Variants in DHRS7 observed in about 807,000 individuals in gnomAD.
The protein encoded by DHRS7 is dehydrogenase/reductase SDR family member 7.
A neutral mutation model predicts 38.9 loss-of-function variants in DHRS7; 34 were observed. That is an observed-to-expected ratio of 0.87 (90% CI 0.66 to 1.16). The LOEUF is 1.16. Ranked by LOEUF, DHRS7 falls within the 50% of genes most tolerant of loss-of-function variation. The pLI is 0.00. For synonymous variants in DHRS7, 158 were observed against 153.1 expected, an observed-to-expected ratio of 1.03 and a Z score of -0.24; for missense variants, 421 against 407.0, an observed-to-expected ratio of 1.03 and a Z score of -0.30.
rs575413815 is a variant in DHRS7, at chr14:60,156,375, T to C, written c.134-223A>G. Among the ~76,000 whole-genome samples the C allele has an allele frequency of 2.6e-5, 4 of 152,236 alleles. No individual in the cohort carries two copies. The South Asian group carries it at 6.2e-4, about 24-fold the overall frequency. The stretch of plus-strand genomic sequence containing the variant: ...ACTAGTAACAGTTATCAACACAGTA[T>C]TTGTATATTACAGAACCTTCATGAC... On this transcript the variant is annotated intron_variant, in intron 1 of 6. Coordinates refer to ENST00000557185, the MANE Select transcript of DHRS7 (RefSeq NM_016029.4).
upstream of DHRS7, among the ~76,000 whole-genome samples, chr14:60,166,933 T>C (rs1896875191): frequency 6.6e-6 from 1 of 151,996 alleles, no homozygotes; most frequent in Admixed American, 6.6e-5. Context: ...TTAAACCTCC[T>C]TGATAGAGAG....
At chr14:60,160,908 T>C (rs1361473289) in intron 1 of DHRS7, among the ~76,000 whole-genome samples, 1 of 152,206 alleles carries the variant, frequency 6.6e-6, no homozygotes, top group African/African-American at 2.4e-5. Flanking sequence ...ACTAATCTTA[T>C]GTACCACATC....
Position 60,162,527 on chromosome 14 carries a change from T to C in DHRS7, c.133+2650A>G, listed in dbSNP as rs1367034681. 6.6e-6 allele frequency among the ~76,000 whole-genome samples: 1 copy of C among 152,330 alleles called. No individual in the cohort carries two copies. Among genetic ancestry groups the C allele is most frequent in the East Asian group, 1.9e-4 (1 of 5,184 alleles). ...ACAAGGGTCAGAGAAAGCTCTTTAC[T>C]TTTTACTATATATCTTTTTGTATTT... is the stretch of plus-strand genomic sequence containing the variant. On this transcript the variant is annotated intron_variant, in intron 1 of 6. Coordinates refer to ENST00000557185, the MANE Select transcript of DHRS7 (RefSeq NM_016029.4). This position sits in a 1 kb window ranked among gnomAD's most constrained non-coding sequence, Gnocchi z 4.5.
rs1218257407 is a variant in DHRS7 at position 60,165,322 on chromosome 14, C to T, written c.-13G>A. Reference sequence around the variant, plus strand: ...GCTCCCAGTTCATTGCGGCCGCGCACGCCCAGCTCGGGGGGAAGAAGACGG... The same window carrying T: ...GCTCCCAGTTCATTGCGGCCGCGCATGCCCAGCTCGGGGGGAAGAAGACGG... On this transcript the variant is annotated 5_prime_UTR_variant, in exon 1 of 7. The change creates a new upstream start codon in the 5' untranslated region. Transcript: ENST00000557185. The surrounding 1 kb of genome is among the most constrained non-coding windows in gnomAD (Gnocchi z 4.6). 5 of 1,568,744 alleles carry T rather than the reference C, an allele frequency of 3.2e-6. No individual in the cohort carries two copies. Among genetic ancestry groups the T allele is most frequent in the Admixed American group, 1.8e-5 (1 of 54,518 alleles).
At chr14:60,168,527 T>A (rs1896894257), upstream of DHRS7, among the ~76,000 whole-genome samples, 3 of 152,176 alleles carry the variant, frequency 2.0e-5, no homozygotes, top group Admixed American at 1.3e-4. Context: ...GGGTACAGAG[T>A]ACACGTCTGT....
chr14:60,166,736 GA>G (rs1182787465), upstream of DHRS7, among the ~76,000 whole-genome samples: 1 of 151,970 alleles, frequency 6.6e-6, no homozygotes, highest in Non-Finnish European at 1.5e-5. Flanking sequence ...AATTACTTCT[GA>G]ACTATATCTG....
In DHRS7 at chr14:60,162,236, G is replaced by C. The variant is rs1595201057; in HGVS notation, c.133+2941C>G. 6.6e-6 allele frequency among the ~76,000 whole-genome samples: 1 copy of C among 152,134 alleles called. No individual in the cohort carries two copies. Among genetic ancestry groups the C allele is most frequent in the Non-Finnish European group, 1.5e-5 (1 of 68,018 alleles). On this transcript the variant is annotated intron_variant, in intron 1 of 6. Transcript: ENST00000557185. This position sits in a 1 kb window ranked among gnomAD's most constrained non-coding sequence, Gnocchi z 4.5. ...AAAAAGTTTAAAAATATCCAGGTGT[G>C]GTGGTTTGCACCTGTAGTCCTAGCT... is the stretch of plus-strand genomic sequence containing the variant.
Position 60,155,994 on chromosome 14 carries a change from G to T in DHRS7, c.286+6C>A. 6.5e-7 allele frequency: 1 copy of T among 1,540,080 alleles called. No homozygotes were observed. Among genetic ancestry groups the T allele is most frequent in the Admixed American group, 2.1e-5 (1 of 48,512 alleles). ...GAAGCACCGCTGCTATTTCAGATCC[G>T]CTTACCTAGGCATCTTCTTTTCACC... On this transcript the variant is annotated splice_donor_region_variant and intron_variant, in intron 2 of 6. Transcript: ENST00000557185.
At chr14:60,168,816 C>T, upstream of DHRS7, 1 of 1,502,010 alleles carries the variant, frequency 6.7e-7, no homozygotes, top group Non-Finnish European at 8.9e-7. Context: ...CATGCTGACA[C>T]TCCTCATAAT....
chr14:60,154,995 G>T (rs951230348), intron 2 of DHRS7, among the ~76,000 whole-genome samples: 1 of 152,168 alleles, frequency 6.6e-6, no homozygotes, highest in African/African-American at 2.4e-5. Flanking sequence ...TCATTTCTGG[G>T]TGGTTAGCTC....
rs902594807 is a variant in DHRS7 at position 60,148,675 on chromosome 14, C to T, written c.972+678G>A. On this transcript the variant is annotated intron_variant, in intron 6 of 6. Transcript: ENST00000557185. This position sits in a 1 kb window ranked among gnomAD's most constrained non-coding sequence, Gnocchi z 4.8. Reference sequence around the variant, plus strand: ...CATAGGGGCTGAGGTGCACTTGGTCCTGGGGAGAAGTGGGAGGGAAGGCCA... The same window carrying T: ...CATAGGGGCTGAGGTGCACTTGGTCTTGGGGAGAAGTGGGAGGGAAGGCCA... Among the ~76,000 whole-genome samples the T allele has an allele frequency of 1.3e-5, 2 of 151,996 alleles. No individual in the cohort carries two copies. Among genetic ancestry groups the T allele is most frequent in the African/African-American group, 4.8e-5 (2 of 41,368 alleles).
chr14:60,158,688 C>A (rs1264371866), intron 1 of DHRS7, among the ~76,000 whole-genome samples: 2 of 152,124 alleles, frequency 1.3e-5, no homozygotes, highest in African/African-American at 4.8e-5. Context: ...CCTTTAAGAG[C>A]CCCTGAAAGT....
upstream of DHRS7, chr14:60,169,132 CCAAAAAAAAAAA>C (rs1896901484): frequency 3.2e-5 from 1 of 31,098 alleles, no homozygotes; most frequent in African/African-American, 1.6e-4. Flanking sequence ...ACAAAAGAAA[CCAAAAAAAAAAA>C]AAAAAAAAAA....
At chr14:60,167,117 G>C (rs1233948137), upstream of DHRS7, among the ~76,000 whole-genome samples, 1 of 152,204 alleles carries the variant, frequency 6.6e-6, no homozygotes, top group Non-Finnish European at 1.5e-5. Context: ...AACCAGAAGA[G>C]TATAATTGGA....
chr14:60,168,853 G>A, upstream of DHRS7: 1 of 1,343,266 alleles, frequency 7.4e-7, no homozygotes, highest in Non-Finnish European at 1.0e-6. Context: ...CAAAGCATAA[G>A]GTCAGAGGAG....
chr14:60,151,942 T>C (rs1896555126), intron 4 of DHRS7, among the ~76,000 whole-genome samples: 1 of 152,236 alleles, frequency 6.6e-6, no homozygotes, highest in Admixed American at 6.5e-5. Flanking sequence ...CTCCCTCATC[T>C]GCCTGCCTGA....
intron 6 of DHRS7, chr14:60,147,023 A>G (rs1169909902): frequency 1.3e-5 from 2 of 152,314 alleles, no homozygotes; most frequent in East Asian, 3.9e-4. Flanking sequence ...GCCTGAGCCC[A>G]GGAGTTTGAG....
rs747070806 is a variant in DHRS7 at position 60,153,992 on chromosome 14, C to T, written c.360G>A (p.Ala120=). The T allele has an allele frequency of 5.0e-6, 8 of 1,613,942 alleles. No individual in the cohort carries two copies. Among genetic ancestry groups the T allele is most frequent in the South Asian group, 2.2e-5 (2 of 91,086 alleles). Residue 120 remains alanine (A), a synonymous_variant, in exon 3 of 7, where the codon GCG becomes GCA. Coordinates refer to ENST00000557185, the MANE Select transcript of DHRS7 (RefSeq NM_016029.4). This position sits in a 1 kb window ranked among gnomAD's most constrained non-coding sequence, Gnocchi z 4.4. ...LDLTDTGSHE[A]ATKAVLQEFG... ...ACTCCTGGAGAACAGCTTTGGTAGC[C>T]GCTTCATGGGAACCAGTGTCGGTCA...
rs761287039 is a variant in DHRS7, at chr14:60,165,199, G to A, written c.111C>T (p.Ala37=). 3 of 1,612,932 alleles carry A rather than the reference G, an allele frequency of 1.9e-6. No homozygotes were observed. Among genetic ancestry groups the A allele is most frequent in the East Asian group, 4.5e-5 (2 of 44,870 alleles). The part of the protein sequence containing the change: ...RADGDLTLLW[A]EWQGRRPEWE... ...CACCTGGGCGTCGTCCCTGCCACTC[G>A]GCCCATAGTAGCGTCAGGTCGCCGT... is the stretch of plus-strand genomic sequence containing the variant. The change falls in exon 1 of 7, where the codon GCC becomes GCT. Residue 37 remains alanine (A), a synonymous_variant. Transcript: ENST00000557185. This position sits in a 1 kb window ranked among gnomAD's most constrained non-coding sequence, Gnocchi z 4.6.
Sources: gnomAD v4.1 joint callset for allele counts (sites outside exome capture counted in the v4.1 genomes callset) on GRCh38, gnomAD v4.1.1 for gene constraint, Gnocchi (gnomAD v3.1) non-coding constraint, MANE v1.5 for transcripts, NCBI Gene and HGNC (gene_info 2026-07-23, HGNC 2026-07-21) for gene names.